The following LRP1 variants were observed in gnomAD, a reference collection of about 807,000 sequenced individuals.
LRP1 encodes LDL receptor related protein 1, also known as prolow-density lipoprotein receptor-related protein 1.
Under a neutral mutation model 541.5 loss-of-function variants are expected in LRP1, and 51 were observed. That is an observed-to-expected ratio of 0.09 (90% CI 0.08 to 0.12). The LOEUF (loss-of-function observed/expected upper bound fraction) is 0.12. Among genes scored for constraint, LRP1 ranks in the 10% least tolerant of loss-of-function variants. The probability of loss-of-function intolerance (pLI) is 1.00; values close to 1 mark genes in which losing one functional copy is unlikely to be tolerated. For synonymous variants in LRP1, 2,219 were observed against 2,470.8 expected (o/e 0.90, Z 3.02); for missense variants, 3,878 against 6,376.2 (o/e 0.61, Z 13.34).
At chr12:57,147,368 G>A (rs1238619925) in intron 6 of LRP1, 7 of 152,160 alleles carry the variant, frequency 4.6e-5, no homozygotes, top group Non-Finnish European at 7.3e-5. Context: ...CAGTTTCTGG[G>A]TCATCCCCCT....
At chr12:57,172,674 C>T (rs1414714394) in intron 20 of LRP1, among the ~76,000 whole-genome samples, 3 of 152,192 alleles carry the variant, frequency 2.0e-5, no homozygotes, top group Non-Finnish European at 4.4e-5. Context: ...CAGCTTCTAC[C>T]CAGCTTTATC....
chr12:57,199,044 T>G (rs570363370), intron 60 of LRP1, among the ~76,000 whole-genome samples, 168 bp from the exon 61 acceptor site: 2 of 152,314 alleles, frequency 1.3e-5, no homozygotes, highest in South Asian at 4.1e-4. Context: ...ACTCCAGCTC[T>G]GACACTTGTT....
At chr12:57,133,478 C>G (rs546432876) in intron 1 of LRP1, among the ~76,000 whole-genome samples, 1 of 152,200 alleles carries the variant, frequency 6.6e-6, no homozygotes, top group African/African-American at 2.4e-5. Flanking sequence ...AAAAATGTGT[C>G]TGAGCCTCAG....
intron 61 of LRP1, 87 bp downstream of exon 61, chr12:57,199,487 G>A (rs1234024432): frequency 2.8e-6 from 4 of 1,414,602 alleles, no homozygotes; most frequent in Non-Finnish European, 3.9e-6. Flanking sequence ...CTCTAGCATT[G>A]ACCAAGCCCT....
In LRP1 at chr12:57,161,119, G is replaced by A. The variant is rs370683159; in HGVS notation, c.2202+4G>A. On this transcript the variant is annotated splice_donor_region_variant and intron_variant, in intron 13 of 88. Coordinates refer to ENST00000243077, the MANE Select transcript of LRP1 (RefSeq NM_002332.3). ...GCTCAATGGCACAGACCGGAAGGTG[G>A]GCAGGCATGTGCCTGTGTGGGGGAA... The A allele has an allele frequency of 1.9e-6, 3 of 1,611,600 alleles. No individual in the cohort carries two copies. The highest frequency in any genetic ancestry group is 2.7e-5 in the African/African-American group (2 of 75,066).
chr12:57,160,445 A>G (rs1437634373), intron 12 of LRP1, among the ~76,000 whole-genome samples: 1 of 152,110 alleles, frequency 6.6e-6, no homozygotes, highest in Non-Finnish European at 1.5e-5. Flanking sequence ...TGGAACTCCC[A>G]GATATTTGCC....
In LRP1 at chr12:57,211,687, G is replaced by A; in HGVS notation, c.13194-63G>A. The stretch of plus-strand genomic sequence containing the variant: ...GGCCTCAGTGCCCACCCCCCGCCCT[G>A]TTTTCCTGGCAGCAGTGGCTATGGA... On this transcript the variant is annotated intron_variant, in intron 85 of 88. Transcript: ENST00000243077. This position sits in a 1 kb window ranked among gnomAD's most constrained non-coding sequence, Gnocchi z 4.3. 6 of 1,595,442 alleles carry A rather than the reference G, an allele frequency of 3.8e-6. No homozygotes were observed. Among genetic ancestry groups the A allele is most frequent in the Non-Finnish European group, 5.1e-6 (6 of 1,166,004 alleles).
At position 57,167,427 on chromosome 12, in the gene LRP1, C is replaced by T; in HGVS notation, c.2915-17C>T. The T allele has an allele frequency of 6.2e-7, 1 of 1,600,186 alleles. No individual in the cohort carries two copies. The highest frequency in any genetic ancestry group is 1.3e-5 in the African/African-American group (1 of 74,728). Reference sequence around the variant, plus strand: ...TAATCGTGAAGGCCCTACTCAGCTACTCTTTCTTCCTCACAGCCTATCCCA... The same window carrying T: ...TAATCGTGAAGGCCCTACTCAGCTATTCTTTCTTCCTCACAGCCTATCCCA... On this transcript the variant is annotated splice_polypyrimidine_tract_variant and intron_variant, in intron 18 of 88. Coordinates refer to ENST00000243077, the MANE Select transcript of LRP1 (RefSeq NM_002332.3).
rs1161876132 is a variant in LRP1 at position 57,208,225 on chromosome 12, G to A, written c.12038+9G>A. The A allele has an allele frequency of 3.7e-6, 6 of 1,610,978 alleles. No homozygotes were observed. In the Admixed American group the frequency reaches 5.0e-5, roughly 13 times the overall value. ...GTGGACCCACTGAGGGGGTGGGCAA[G>A]GGCCCTGGGGGGAGGCCTCTGGGCT... is the stretch of plus-strand genomic sequence containing the variant. On this transcript the variant is annotated intron_variant, in intron 77 of 88. Transcript: ENST00000243077.
At chr12:57,132,469 C>T (rs1245360394) in intron 1 of LRP1, among the ~76,000 whole-genome samples, 1 of 152,194 alleles carries the variant, frequency 6.6e-6, no homozygotes, top group Non-Finnish European at 1.5e-5. Context: ...AGGGCCGAGA[C>T]TCTGTCTCTC....
At position 57,180,575 on chromosome 12, in the gene LRP1, G is replaced by A. The variant is rs2036144095; in HGVS notation, c.5387-92G>A. 6 of 1,606,368 alleles carry A rather than the reference G, an allele frequency of 3.7e-6. No individual in the cohort carries two copies. In the African/African-American group the frequency reaches 4.0e-5, roughly 11 times the overall value. On this transcript the variant is annotated intron_variant, in intron 32 of 88. Coordinates refer to ENST00000243077, the MANE Select transcript of LRP1 (RefSeq NM_002332.3). ...GGCTTGGGGCAGTCTCTCACCATGT[G>A]GGGCGGGCCTGATGACTTAGGGCCA...
At chr12:57,180,542 CAG>C (rs1005669019) in intron 32 of LRP1, 63 bp downstream of exon 32, 161 of 1,607,764 alleles carry the variant, frequency 1.0e-4, no homozygotes, top group Middle Eastern at 8.3e-4. Flanking sequence ...TACTGGGAGA[CAG>C]GGGCTGGCTT....
chr12:57,164,348 G>A (rs778509005), intron 15 of LRP1: 1 of 152,168 alleles, frequency 6.6e-6, no homozygotes, highest in African/African-American at 2.4e-5. Context: ...TGCACATACT[G>A]TTCTGTTTCC....
Position 57,167,023 on chromosome 12 carries a change from G to C in LRP1, c.2891G>C (p.Arg964Pro). 6.2e-7 allele frequency: 1 copy of C among 1,613,966 alleles called. No individual in the cohort carries two copies. The highest frequency in any genetic ancestry group is 8.5e-7 in the Non-Finnish European group (1 of 1,179,880). ...GATCTGGATGACGACTGTGGGGACC[G>C]CTCTGATGAGTCTGCTTCGTGTGGT... ...TCDLDDDCGD[R>P]SDESASCAYP... The change falls in exon 18 of 89, where the codon CGC (arginine) becomes CCC (proline). Residue 964 changes from arginine (R) to proline (P), a missense_variant. Around this residue, in one of 13 missense-constraint regions of LRP1, gnomAD observed 320 missense variants for 547.9 expected, o/e 0.58. Transcript: ENST00000243077.
Position 57,207,722 on chromosome 12 carries a change from T to A in LRP1, c.11860-316T>A, listed in dbSNP as rs2036815336. ...GGCATGATGGGCAGGCAGACAGCCC[T>A]CCGGCACCAATCCCCCATCCTTGCC... On this transcript the variant is annotated intron_variant, in intron 76 of 88. Coordinates refer to ENST00000243077, the MANE Select transcript of LRP1 (RefSeq NM_002332.3). 2.0e-5 allele frequency among the ~76,000 whole-genome samples: 3 copies of A among 152,218 alleles called. No individual in the cohort carries two copies. The South Asian group carries it at 6.2e-4, about 32-fold the overall frequency.
chr12:57,193,237 C>T lies in LRP1; in HGVS notation c.7617C>T (p.Asn2539=). 6.2e-7 allele frequency: 1 copy of T among 1,614,168 alleles called. No individual in the cohort carries two copies. ...EFECANGECI[N]FSLTCDGVPH... is the part of the protein sequence containing the mutation. ...AGTGTGCCAATGGCGAGTGCATCAA[C>T]TTCAGCCTGACCTGCGACGGCGTCC... Residue 2539 remains asparagine, a synonymous_variant, in exon 46 of 89, where the codon AAC becomes AAT. Transcript: ENST00000243077.
intron 6 of LRP1, among the ~76,000 whole-genome samples, chr12:57,153,180 G>A (rs1472193075): frequency 1.3e-5 from 2 of 152,170 alleles, no homozygotes; most frequent in African/African-American, 2.4e-5. Flanking sequence ...TTTGCAAGAG[G>A]CACCATCTCT....
chr12:57,180,399 G>C lies in LRP1; in HGVS notation c.5306G>C (p.Cys1769Ser). The C allele has an allele frequency of 6.2e-7, 1 of 1,614,208 alleles. No homozygotes were observed. The highest frequency in any genetic ancestry group is 2.2e-5 in the East Asian group (1 of 44,884). Residue 1769 changes from cysteine to serine, a missense_variant, in exon 32 of 89, where the codon TGC becomes TCC. By Grantham distance (112) the Cys-to-Ser change is moderately radical (BLOSUM62 -1). This residue lies in a region of LRP1 where 394 missense variants were observed against 635.9 expected (regional missense o/e 0.62). Transcript: ENST00000243077. ...TCCGGGAACCATACCATCAACCGCT[G>C]CAACCTGGATGGGAGTGGGCTGGAG... ...ISSGNHTINR[C>S]NLDGSGLEVI...
Position 57,209,712 on chromosome 12 carries a change from A to G in LRP1, c.12283A>G (p.Ile4095Val), listed in dbSNP as rs771994621. The G allele has an allele frequency of 4.3e-6, 7 of 1,614,174 alleles. No homozygotes were observed. In the East Asian group the frequency reaches 1.3e-4, roughly 31 times the overall value. The change falls in exon 80 of 89, where the codon ATC becomes GTC. Residue 4095 changes from isoleucine to valine, a missense_variant. Physicochemically the swap from Ile to Val is conservative, Grantham distance 29. Transcript: ENST00000243077. The part of the protein sequence containing the change: ...SKRGLSHPFS[I>V]DVFEDYIYGV... ...CCCAGGCCTAAGTCACCCCTTCAGCATCGACGTCTTTGAGGATTACATCTA... is the reference window on the plus strand; with the variant it reads ...CCCAGGCCTAAGTCACCCCTTCAGCGTCGACGTCTTTGAGGATTACATCTA...
Sources: gnomAD v4.1 joint callset for allele counts (sites outside exome capture counted in the v4.1 genomes callset) on GRCh38, gnomAD v4.1.1 for gene constraint, gnomAD v4.1.1 regional missense constraint, Gnocchi (gnomAD v3.1) non-coding constraint, MANE v1.5 for transcripts, NCBI Gene and HGNC (gene_info 2026-07-23, HGNC 2026-07-21) for gene names.